Variants in RAB10 observed in about 807,000 individuals in gnomAD.
RAB10 encodes ras-related protein Rab-10.
In RAB10, 5 loss-of-function variants were observed where a neutral mutation model predicts 25.7. That is an observed-to-expected ratio of 0.19 (90% CI 0.10 to 0.41). RAB10 has a LOEUF of 0.41. Among genes scored for constraint, RAB10 ranks in the 10% least tolerant of loss-of-function variants. The probability of loss-of-function intolerance (pLI) is 1.00; values close to 1 mark genes in which losing one functional copy is unlikely to be tolerated. For synonymous variants in RAB10, 89 were observed against 86.4 expected, an observed-to-expected ratio of 1.03 and a Z score of -0.16; for missense variants, 103 against 245.8, an observed-to-expected ratio of 0.42 and a Z score of 3.89.
At chr2:26,043,746 A>G (rs1665939361) in intron 1 of RAB10, among the ~76,000 whole-genome samples, 1 of 152,198 alleles carries the variant, frequency 6.6e-6, no homozygotes, top group Admixed American at 6.6e-5. Context: ...GGGACAGAGT[A>G]ATGGGGAGTT....
chr2:26,064,516 T>C (rs963080974), intron 1 of RAB10, among the ~76,000 whole-genome samples: 8 of 151,922 alleles, frequency 5.3e-5, no homozygotes, highest in Non-Finnish European at 8.8e-5. Context: ...ATTTTTTTTT[T>C]CATTTTTTGT....
At chr2:26,097,286 G>GT (rs1667242868) in intron 1 of RAB10, among the ~76,000 whole-genome samples, 1 of 151,858 alleles carries the variant, frequency 6.6e-6, no homozygotes, top group African/African-American at 2.4e-5. Flanking sequence ...TTCTTTGTTT[G>GT]TTTTTGAGAC....
intron 1 of RAB10, among the ~76,000 whole-genome samples, chr2:26,072,540 C>G (rs575048559): frequency 2.6e-5 from 4 of 151,554 alleles, no homozygotes; most frequent in Non-Finnish European, 5.9e-5. Context: ...GTGACTCATG[C>G]AAAAAAAGAA....
intron 1 of RAB10, among the ~76,000 whole-genome samples, chr2:26,066,292 A>G (rs540746411): frequency 1.2e-4 from 19 of 152,224 alleles, no homozygotes; most frequent in Non-Finnish European, 2.4e-4. Context: ...AAAAAGATTA[A>G]TTTAGAAGAA....
At chr2:26,044,229 G>T (rs1051939040) in intron 1 of RAB10, among the ~76,000 whole-genome samples, 1 of 152,244 alleles carries the variant, frequency 6.6e-6, no homozygotes, top group African/African-American at 2.4e-5. Context: ...ACTAACACTC[G>T]ACCCAGTTCT....
chr2:26,120,093 A>G (rs1287772193), intron 3 of RAB10, among the ~76,000 whole-genome samples: 1 of 152,134 alleles, frequency 6.6e-6, no homozygotes, highest in Non-Finnish European at 1.5e-5. Context: ...GCTTCGTTCC[A>G]TCAGCCTGCT....
rs538301236 is a variant in RAB10, at chr2:26,044,886, C to T, written c.127+10151C>T. Among the ~76,000 whole-genome samples the T allele has an allele frequency of 2.6e-5, 4 of 152,156 alleles. No individual in the cohort carries two copies. In the East Asian group the frequency reaches 5.8e-4, roughly 22 times the overall value. Reference sequence around the variant, plus strand: ...AATCCACAGCCAATCTTATTCATAACCACATTGCTCATTCTGAGAATTTCA... The same window carrying T: ...AATCCACAGCCAATCTTATTCATAATCACATTGCTCATTCTGAGAATTTCA... On this transcript the variant is annotated intron_variant, in intron 1 of 5. Coordinates refer to ENST00000264710, the MANE Select transcript of RAB10 (RefSeq NM_016131.5).
chr2:26,090,027 C>T (rs530810192), intron 1 of RAB10, among the ~76,000 whole-genome samples: 1 of 152,232 alleles, frequency 6.6e-6, no homozygotes, highest in Admixed American at 6.5e-5. Context: ...TCCTCCTTCC[C>T]ACTCCCAGGA....
chr2:26,035,883 C>T (rs1308534389), intron 1 of RAB10, among the ~76,000 whole-genome samples: 1 of 152,144 alleles, frequency 6.6e-6, no homozygotes, highest in Non-Finnish European at 1.5e-5. Flanking sequence ...CTGCTTCATT[C>T]TCACAAAAGA....
At chr2:26,048,410 A>T (rs1282206598) in intron 1 of RAB10, among the ~76,000 whole-genome samples, 1 of 152,162 alleles carries the variant, frequency 6.6e-6, no homozygotes, top group Non-Finnish European at 1.5e-5. Context: ...AGTCATTCTG[A>T]TAAGTGTGTA....
chr2:26,046,853 G>A (rs1666021926), intron 1 of RAB10, among the ~76,000 whole-genome samples: 4 of 152,084 alleles, frequency 2.6e-5, no homozygotes, highest in Admixed American at 2.6e-4. Context: ...GTGTTGATTT[G>A]TTTCTTTCGT....
At chr2:26,081,416 A>G (rs1424228216) in intron 1 of RAB10, among the ~76,000 whole-genome samples, 5 of 152,182 alleles carry the variant, frequency 3.3e-5, no homozygotes, top group South Asian at 2.1e-4. Context: ...GGGAAATTCT[A>G]TGGAATACCT....
intron 1 of RAB10, among the ~76,000 whole-genome samples, chr2:26,039,015 CTT>C (rs70950162): frequency 2.8e-3 from 300 of 108,914 alleles, no homozygotes; most frequent in East Asian, 5.9e-3. Flanking sequence ...TTAATAGCCA[CTT>C]TTTTTTTTTT....
intron 5 of RAB10, among the ~76,000 whole-genome samples, chr2:26,131,923 A>T (rs990577895): frequency 7.2e-5 from 11 of 152,216 alleles, no homozygotes; most frequent in African/African-American, 2.2e-4. Context: ...CATTTAGATT[A>T]TTTTCAAACT....
At chr2:26,103,454 C>T (rs1667386162) in intron 2 of RAB10, among the ~76,000 whole-genome samples, 1 of 152,112 alleles carries the variant, frequency 6.6e-6, no homozygotes, top group Non-Finnish European at 1.5e-5. Flanking sequence ...GTTTAAACTA[C>T]TGTAAGGCTT....
intron 1 of RAB10, among the ~76,000 whole-genome samples, chr2:26,095,742 T>G (rs1020971586): frequency 6.6e-6 from 1 of 151,894 alleles, no homozygotes; most frequent in African/African-American, 2.4e-5. Flanking sequence ...TGGGACGTCG[T>G]TTCTACAAAT....
At chr2:26,053,162 C>T (rs1666171427) in intron 1 of RAB10, among the ~76,000 whole-genome samples, 1 of 152,160 alleles carries the variant, frequency 6.6e-6, no homozygotes. Flanking sequence ...TGATTTTTGA[C>T]TCCACTTTTT....
intron 5 of RAB10, among the ~76,000 whole-genome samples, chr2:26,132,406 A>G (rs1020904253): frequency 7.9e-5 from 12 of 152,112 alleles, no homozygotes; most frequent in Non-Finnish European, 1.3e-4. Flanking sequence ...GGAGCCCGCC[A>G]CCACGCCTGG....
chr2:26,064,501 A>C (rs1666473456), intron 1 of RAB10, among the ~76,000 whole-genome samples: 1 of 151,638 alleles, frequency 6.6e-6, no homozygotes, highest in Non-Finnish European at 1.5e-5. Flanking sequence ...TTTTGGGAAA[A>C]AAAAATTTTT....
Sources: allele counts gnomAD v4.1 joint callset (sites outside exome capture counted in the v4.1 genomes callset), GRCh38; gene constraint gnomAD v4.1.1; transcripts MANE v1.5; gene names NCBI Gene and HGNC (gene_info 2026-07-23, HGNC 2026-07-21).